AADAT: variants seen among roughly 807,000 people sequenced by gnomAD.
The protein encoded by AADAT is kynurenine/alpha-aminoadipate aminotransferase, mitochondrial.
In AADAT, 25 loss-of-function variants were observed where a neutral mutation model predicts 56.2. That is an observed-to-expected ratio of 0.44 (90% CI 0.32 to 0.62). The LOEUF is 0.62. Among genes scored for constraint, AADAT ranks in the 20% least tolerant of loss-of-function variants. AADAT has a pLI of 0.04. For synonymous variants in AADAT, 173 were observed against 164.7 expected, an observed-to-expected ratio of 1.05 and a Z score of -0.39; for missense variants, 387 against 510.5, an observed-to-expected ratio of 0.76 and a Z score of 2.33.
chr4:170,087,386 T>C (rs1732616003), intron 2 of AADAT, 138 bp from the exon 3 acceptor site: 4 of 753,694 alleles, frequency 5.3e-6, no homozygotes, highest in Non-Finnish European at 8.2e-6. Context: ...TTTGCCAGTA[T>C]GAATATTCCT....
chr4:170,062,965 C>CT (rs200200256), intron 11 of AADAT, among the ~76,000 whole-genome samples: 9,235 of 152,232 alleles, frequency 0.061, 383 homozygotes, highest in Non-Finnish European at 0.092. Context: ...CTTATTAAGT[C>CT]TTTGAGATTT....
At chr4:170,084,473 G>T (rs938140114) in intron 3 of AADAT, among the ~76,000 whole-genome samples, 13 of 152,154 alleles carry the variant, frequency 8.5e-5, no homozygotes, top group Non-Finnish European at 1.8e-4. Flanking sequence ...TGGATAATAT[G>T]ATTTCTACTA....
Position 170,089,809 on chromosome 4 carries a change from G to T in AADAT, c.-119C>A. Reference sequence around the variant, plus strand: ...CTCTGGCAACGCCACCGCGAGATGTGTCCCCCCGCTGCGTCTGGCTTCCCG... The same window carrying T: ...CTCTGGCAACGCCACCGCGAGATGTTTCCCCCCGCTGCGTCTGGCTTCCCG... On this transcript the variant is annotated 5_prime_UTR_variant, in exon 1 of 13. Transcript: ENST00000337664. The T allele has an allele frequency of 1.9e-6, 2 of 1,032,692 alleles. No individual in the cohort carries two copies. The highest frequency in any genetic ancestry group is 2.4e-5 in the East Asian group (1 of 41,808). The allele number at this position is 1,032,692 out of a possible 1,614,324, so 64.0% of individuals were successfully genotyped here.
At chr4:170,067,047 T>G (rs1731502540) in intron 9 of AADAT, among the ~76,000 whole-genome samples, 1 of 152,242 alleles carries the variant, frequency 6.6e-6, no homozygotes, top group African/African-American at 2.4e-5. Flanking sequence ...GTTTACCCAT[T>G]ACATCATTTA....
At chr4:170,088,721 T>G (rs1019201394) in intron 1 of AADAT, among the ~76,000 whole-genome samples, 157 bp from the exon 2 acceptor site, 1 of 152,146 alleles carries the variant, frequency 6.6e-6, no homozygotes, top group Non-Finnish European at 1.5e-5. Context: ...AGATTCATAC[T>G]TGGAAGTTAA....
chr4:170,070,180 AT>A (rs1348598690), intron 6 of AADAT, among the ~76,000 whole-genome samples: 1 of 147,728 alleles, frequency 6.8e-6, no homozygotes, highest in African/African-American at 2.5e-5. Context: ...CTCATACATC[AT>A]TCTAATCGGC....
intron 2 of AADAT, among the ~76,000 whole-genome samples, chr4:170,087,978 A>G (rs990498370): frequency 2.7e-5 from 4 of 150,448 alleles, no homozygotes; most frequent in African/African-American, 9.7e-5. Context: ...AGGATGCTTA[A>G]ACTTTAAAAA....
intron 3 of AADAT, among the ~76,000 whole-genome samples, chr4:170,082,740 T>C (rs1732376845): frequency 6.6e-6 from 1 of 151,886 alleles, no homozygotes; most frequent in African/African-American, 2.4e-5. Flanking sequence ...TGGAAAAACA[T>C]ATTCCATGGA....
chr4:170,089,449 C>T (rs918004840), intron 1 of AADAT, 175 bp downstream of exon 1: 11 of 711,750 alleles, frequency 1.5e-5, no homozygotes, highest in Non-Finnish European at 2.6e-5. Context: ...AGCCCGAGTT[C>T]TTTGAGAACA....
intron 4 of AADAT, among the ~76,000 whole-genome samples, chr4:170,073,607 T>G (rs1731883867): frequency 6.6e-6 from 1 of 151,900 alleles, no homozygotes; most frequent in Admixed American, 6.6e-5. Flanking sequence ...CAAGTGATTC[T>G]CCTGCTTTAG....
rs764857737 is a variant in AADAT at position 170,087,254 on chromosome 4, G to A, written c.237-6C>T. 5 of 1,604,406 alleles carry A rather than the reference G, an allele frequency of 3.1e-6. No individual in the cohort carries two copies. The highest frequency in any genetic ancestry group is 4.2e-6 in the Non-Finnish European group (5 of 1,176,662). On this transcript the variant is annotated splice_polypyrimidine_tract_variant and splice_region_variant and intron_variant, in intron 2 of 12. Coordinates refer to ENST00000337664, the MANE Select transcript of AADAT (RefSeq NM_016228.4). ...AGGACAAAAGCTCTGGAATTCTAAA[G>A]CAAAAAATGTATATTTAAATTCATA... is the stretch of plus-strand genomic sequence containing the variant.
upstream of AADAT, among the ~76,000 whole-genome samples, chr4:170,090,826 T>G (rs1298631927): frequency 1.3e-5 from 2 of 152,204 alleles, no homozygotes; most frequent in African/African-American, 4.8e-5. Flanking sequence ...CTTTAAAAAA[T>G]TCTTTAATGG....
intron 3 of AADAT, among the ~76,000 whole-genome samples, chr4:170,085,612 C>A (rs937187841): frequency 6.6e-6 from 1 of 152,122 alleles, no homozygotes; most frequent in Admixed American, 6.5e-5. Flanking sequence ...GAGCAACTTT[C>A]TGGAAGAAAA....
intron 4 of AADAT, among the ~76,000 whole-genome samples, chr4:170,077,375 A>T (rs528431443): frequency 6.6e-6 from 1 of 152,042 alleles, no homozygotes; most frequent in South Asian, 2.1e-4. Flanking sequence ...TTTCAGCAAA[A>T]TTTTTCAGTT....
chr4:170,092,520 C>G (rs868434486), upstream of AADAT, among the ~76,000 whole-genome samples: 1 of 152,204 alleles, frequency 6.6e-6, no homozygotes, highest in Non-Finnish European at 1.5e-5. Context: ...TAACACACCG[C>G]GAGTGTCTGC....
chr4:170,064,373 A>G (rs755386724), intron 11 of AADAT, among the ~76,000 whole-genome samples: 2 of 152,192 alleles, frequency 1.3e-5, no homozygotes, highest in Non-Finnish European at 2.9e-5. Flanking sequence ...TCTGTTTTAC[A>G]GACAAAGCAC....
At chr4:170,061,202 G>A (rs1188816094) in intron 12 of AADAT, among the ~76,000 whole-genome samples, 1 of 151,964 alleles carries the variant, frequency 6.6e-6, no homozygotes, top group Non-Finnish European at 1.5e-5. Flanking sequence ...TGTTCTCGTG[G>A]CCTTCAAGAT....
In AADAT at chr4:170,087,260, A is replaced by C. The variant is rs750232147; in HGVS notation, c.237-12T>G. 3.1e-6 allele frequency: 5 copies of C among 1,606,996 alleles called. No individual in the cohort carries two copies. The Middle Eastern group carries it at 6.6e-4, about 212-fold the overall frequency. On this transcript the variant is annotated splice_polypyrimidine_tract_variant and intron_variant, in intron 2 of 12. Transcript: ENST00000337664. ...AAAGCTCTGGAATTCTAAAGCAAAA[A>C]ATGTATATTTAAATTCATAGTAGTA... is the stretch of plus-strand genomic sequence containing the variant.
chr4:170,084,093 T>C (rs189843757), intron 3 of AADAT, among the ~76,000 whole-genome samples: 4 of 152,222 alleles, frequency 2.6e-5, no homozygotes, highest in Non-Finnish European at 4.4e-5. Context: ...GCAACATGGA[T>C]AGAAATGGAG....
Sources: gnomAD v4.1 joint callset for allele counts (sites outside exome capture counted in the v4.1 genomes callset) on GRCh38, gnomAD v4.1.1 for gene constraint, MANE v1.5 for transcripts, NCBI Gene and HGNC (gene_info 2026-07-23, HGNC 2026-07-21) for gene names.